HERC3: variants seen among roughly 807,000 people sequenced by gnomAD.
The protein encoded by HERC3 is probable E3 ubiquitin-protein ligase HERC3.
HERC3 carries 58 observed loss-of-function variants against 129.9 expected under a neutral mutation model. The ratio of observed to expected loss-of-function variants is 0.45; its 90% CI spans 0.36 to 0.56. The LOEUF (loss-of-function observed/expected upper bound fraction) is 0.56. HERC3 is among the 20% of genes least tolerant of loss of function. HERC3 has a pLI of 0.00. For synonymous variants in HERC3, 430 were observed against 451.0 expected (o/e 0.95, Z 0.59); for missense variants, 835 against 1,244.2 (o/e 0.67, Z 4.95).
At chr4:88,552,339 G>T in the HERC3 span, among the ~76,000 whole-genome samples, 2 of 152,000 alleles carry the variant, frequency 1.3e-5, no homozygotes, top group Non-Finnish European at 2.9e-5. Context: ...CCATTCTTTG[G>T]GTTTGGACGG....
intron 2 of HERC3, 47 bp from the exon 3 acceptor site, chr4:88,605,748 C>A: frequency 9.1e-7 from 1 of 1,102,000 alleles, no homozygotes; most frequent in Non-Finnish European, 1.3e-6. Flanking sequence ...TTTTCTATGA[C>A]CTATTTCTTT....
At chr4:88,658,342 G>A (rs367791502) in intron 9 of HERC3, 73 bp from the exon 10 acceptor site, 5 of 769,446 alleles carry the variant, frequency 6.5e-6, no homozygotes, top group East Asian at 2.6e-5. Flanking sequence ...TGTATTCTGC[G>A]ACAGTAGAAA....
chr4:88,667,514 A>T, intron 13 of HERC3, 26 bp downstream of exon 13: 1 of 1,256,288 alleles, frequency 8.0e-7, no homozygotes, highest in Non-Finnish European at 1.1e-6. Context: ...TGTAAAGTGC[A>T]TTCTTAAAAA....
chr4:88,602,131 T>C (rs1347679381), intron 2 of HERC3, among the ~76,000 whole-genome samples: 1 of 151,416 alleles, frequency 6.6e-6, no homozygotes, highest in Non-Finnish European at 1.5e-5. Flanking sequence ...CTGGGCTCCG[T>C]GGCTCACACC....
chr4:88,620,431 A>C (rs781167673), intron 3 of HERC3, among the ~76,000 whole-genome samples: 1 of 152,182 alleles, frequency 6.6e-6, no homozygotes, highest in East Asian at 1.9e-4. Context: ...TTCAGGCCAA[A>C]AACCTTGGAG....
At chr4:88,627,412 A>G (rs148559328) in intron 3 of HERC3, among the ~76,000 whole-genome samples, 4 of 152,318 alleles carry the variant, frequency 2.6e-5, no homozygotes, top group African/African-American at 7.2e-5. Flanking sequence ...ATTAGGTATT[A>G]TAAGTAATTT....
At position 88,593,772 on chromosome 4, in the gene HERC3, C is replaced by T. The variant is rs78544071; in HGVS notation, c.-88+1198C>T. On this transcript the variant is annotated intron_variant, in intron 1 of 25. Transcript: ENST00000402738. ...AAGATCAAGTGAGCTGATTTTTCAA[C>T]TCTAGACTTGAGAGAAATGAAAAAA... 4.7e-3 allele frequency among the ~76,000 whole-genome samples: 713 copies of T among 152,268 alleles called. 9 individuals carry two copies. Among genetic ancestry groups the T allele is most frequent in the African/African-American group, 0.016 (645 of 41,552 alleles).
chr4:88,582,628 T>C, the HERC3 span, among the ~76,000 whole-genome samples: 2 of 152,206 alleles, frequency 1.3e-5, no homozygotes. Context: ...CGAGTAAAGA[T>C]TAAAAGTCAT....
At chr4:88,623,234 A>G (rs1198437859) in intron 3 of HERC3, among the ~76,000 whole-genome samples, 2 of 152,188 alleles carry the variant, frequency 1.3e-5, no homozygotes, top group African/African-American at 2.4e-5. Context: ...TTTGTTCAGA[A>G]AAAGTTTCGC....
At chr4:88,572,532 C>T in the HERC3 span, among the ~76,000 whole-genome samples, 2 of 151,952 alleles carry the variant, frequency 1.3e-5, no homozygotes, top group South Asian at 2.1e-4. Flanking sequence ...GTCTTTTGGC[C>T]GAGTGTGGTG....
the HERC3 span, among the ~76,000 whole-genome samples, chr4:88,571,898 A>T: frequency 6.6e-5 from 10 of 152,208 alleles, no homozygotes; most frequent in Admixed American, 2.0e-4. Flanking sequence ...GTCCCCTAAA[A>T]TTCATATGTT....
intron 19 of HERC3, among the ~76,000 whole-genome samples, chr4:88,678,423 C>T (rs897373125): frequency 2.0e-5 from 3 of 152,016 alleles, no homozygotes; most frequent in Non-Finnish European, 2.9e-5. Context: ...ACAACAGAAA[C>T]GAAAGCTTTG....
intron 16 of HERC3, among the ~76,000 whole-genome samples, chr4:88,671,657 G>A (rs1459005680): frequency 6.6e-6 from 1 of 152,050 alleles, no homozygotes; most frequent in Admixed American, 6.6e-5. Context: ...CCGAGTAGCT[G>A]GGACTACAGG....
At position 88,681,244 on chromosome 4, in the gene HERC3, T is replaced by G; in HGVS notation, c.2426T>G (p.Phe809Cys). ...AACTCCACTGTGGTCGATCTCCACT[T>G]CCCATTGGCTCTCTACAAGAAGTTA... ...IYNSTVVDLH[F>C]PLALYKKLLN... Residue 809 changes from phenylalanine to cysteine, a missense_variant, in exon 21 of 26, where the codon TTC becomes TGC. Coordinates refer to ENST00000402738, the MANE Select transcript of HERC3 (RefSeq NM_014606.3). The G allele has an allele frequency of 6.2e-7, 1 of 1,614,032 alleles. No homozygotes were observed.
chr4:88,659,256 T>C (rs1409650701), intron 10 of HERC3, among the ~76,000 whole-genome samples: 1 of 152,186 alleles, frequency 6.6e-6, no homozygotes, highest in African/African-American at 2.4e-5. Flanking sequence ...ATCCTTATAC[T>C]CTCTTGGAGG....
At chr4:88,555,290 A>AAAG in the HERC3 span, among the ~76,000 whole-genome samples, 20 of 149,988 alleles carry the variant, frequency 1.3e-4, no homozygotes, top group African/African-American at 5.0e-4. Context: ...TCAAAAAAAA[A>AAAG]AAAAAGAAAA....
At chr4:88,590,303 G>C (rs1721631734), upstream of HERC3, among the ~76,000 whole-genome samples, 1 of 151,860 alleles carries the variant, frequency 6.6e-6, no homozygotes, top group Non-Finnish European at 1.5e-5. Flanking sequence ...GCTCACGCCT[G>C]TAATCCCAGC....
intron 12 of HERC3, among the ~76,000 whole-genome samples, chr4:88,665,758 A>G (rs1730979778): frequency 6.6e-6 from 1 of 152,164 alleles, no homozygotes. Context: ...CTTTGGTTAC[A>G]TTTAGAGATT....
At chr4:88,634,344 G>A (rs138847123) in intron 3 of HERC3, among the ~76,000 whole-genome samples, 3 of 152,342 alleles carry the variant, frequency 2.0e-5, no homozygotes, top group African/African-American at 7.2e-5. Context: ...AGGGGAAGGG[G>A]CAGCCACCAC....
Sources: allele counts gnomAD v4.1 joint callset (sites outside exome capture counted in the v4.1 genomes callset), GRCh38; gene constraint gnomAD v4.1.1; transcripts MANE v1.5; gene names NCBI Gene and HGNC (gene_info 2026-07-23, HGNC 2026-07-21).